The following OTUD7A variants were observed in gnomAD, a reference collection of about 807,000 sequenced individuals.
The protein encoded by OTUD7A is OTU deubiquitinase 7A.
In OTUD7A, 12 loss-of-function variants were observed where a neutral mutation model predicts 65.7. The observed-to-expected ratio is 0.18, with a 90% CI of 0.12 to 0.30. The LOEUF is 0.30. Among genes scored for constraint, OTUD7A ranks in the 10% least tolerant of loss-of-function variants. The pLI is 1.00. For synonymous variants in OTUD7A, 641 were observed against 586.3 expected (o/e 1.09, Z -1.35); for missense variants, 1,148 against 1,304.8 (o/e 0.88, Z 1.85).
intron 3 of OTUD7A, among the ~76,000 whole-genome samples, chr15:31,611,639 A>G (rs906087984): frequency 2.0e-5 from 3 of 152,172 alleles, no homozygotes; most frequent in Admixed American, 1.3e-4. Flanking sequence ...ACCAATAACA[A>G]GCAGGGAGAT....
intron 1 of OTUD7A, among the ~76,000 whole-genome samples, chr15:31,746,857 G>A (rs963556129): frequency 1.3e-5 from 2 of 152,170 alleles, no homozygotes; most frequent in African/African-American, 2.4e-5. Context: ...AAAACTTGTT[G>A]CTTTTGGAGG....
At chr15:31,861,662 C>G (rs1037512311) in intron 1 of OTUD7A, among the ~76,000 whole-genome samples, 2 of 152,124 alleles carry the variant, frequency 1.3e-5, no homozygotes, top group Non-Finnish European at 2.9e-5. Flanking sequence ...AAGGTAGAGA[C>G]AGAATAATCA....
At chr15:31,519,009 C>T (rs767852782) in intron 8 of OTUD7A, among the ~76,000 whole-genome samples, 173 of 152,358 alleles carry the variant, frequency 1.1e-3, no homozygotes, top group Non-Finnish European at 2.2e-3. Flanking sequence ...GACCTTCTAG[C>T]AGTGGCCAGT....
rs2041155276 is a variant in OTUD7A at position 31,483,069 on chromosome 15, G to C, written c.*225C>G. 1 of 234,896 alleles carries C rather than the reference G, an allele frequency of 4.3e-6. No individual in the cohort carries two copies. The highest frequency in any genetic ancestry group is 1.6e-4 in the East Asian group (1 of 6,254). 14.6% of individuals were successfully genotyped at this position (234,896 alleles called of 1,614,324 possible). A position where few individuals can be genotyped will look rare whatever the true frequency, so the allele number is the denominator to read the frequency against. ...CAGGTACGAGGCAGATGCTAGGCTA[G>C]CACACCCACTTCCAACAGTATGACT... On this transcript the variant is annotated 3_prime_UTR_variant, in exon 13 of 13. Coordinates refer to ENST00000307050, the MANE Select transcript of OTUD7A (RefSeq NM_001382637.1).
intron 1 of OTUD7A, among the ~76,000 whole-genome samples, chr15:31,834,088 T>C (rs1370967796): frequency 2.0e-5 from 3 of 152,246 alleles, no homozygotes; most frequent in Non-Finnish European, 4.4e-5. Flanking sequence ...TAATATTCTT[T>C]AGCTTTTGCT....
chr15:31,651,149 G>A (rs1206710464), intron 3 of OTUD7A, among the ~76,000 whole-genome samples: 2 of 142,296 alleles, frequency 1.4e-5, no homozygotes, highest in Non-Finnish European at 3.0e-5. Context: ...AAAAAGGGCA[G>A]AACATAGAAA....
chr15:31,785,614 T>A (rs1461669238), intron 1 of OTUD7A, among the ~76,000 whole-genome samples: 2 of 152,154 alleles, frequency 1.3e-5, no homozygotes, highest in African/African-American at 4.8e-5. Context: ...ACTTGATGCC[T>A]TCCATGATTC....
intron 5 of OTUD7A, among the ~76,000 whole-genome samples, chr15:31,552,684 T>C (rs889919414): frequency 6.6e-6 from 1 of 152,254 alleles, no homozygotes; most frequent in African/African-American, 2.4e-5. Flanking sequence ...CCCTGGCCTC[T>C]GTCTCTCCCA....
chr15:31,500,614 T>A (rs2141080297), intron 10 of OTUD7A, among the ~76,000 whole-genome samples: 1 of 152,382 alleles, frequency 6.6e-6, no homozygotes, highest in African/African-American at 2.4e-5. Flanking sequence ...TTCATTTGTC[T>A]GTGTCCTTTC....
chr15:31,709,926 T>C (rs548521617), intron 1 of OTUD7A, among the ~76,000 whole-genome samples: 2 of 151,196 alleles, frequency 1.3e-5, no homozygotes, highest in African/African-American at 4.8e-5. Context: ...GAATATATGG[T>C]CTAAGTCCTT....
intron 3 of OTUD7A, among the ~76,000 whole-genome samples, chr15:31,582,931 T>C (rs1372728223): frequency 3.3e-5 from 5 of 152,210 alleles, no homozygotes; most frequent in Non-Finnish European, 7.3e-5. Context: ...CTGGCTGAAT[T>C]ACTGAAAGCC....
intron 8 of OTUD7A, among the ~76,000 whole-genome samples, chr15:31,509,954 T>C (rs2041656321): frequency 6.6e-6 from 1 of 152,060 alleles, no homozygotes; most frequent in Non-Finnish European, 1.5e-5. Context: ...TCCTTTTTTT[T>C]TAATTTGCAT....
intron 1 of OTUD7A, among the ~76,000 whole-genome samples, chr15:31,664,336 A>ATT (rs57041516): frequency 1.5e-5 from 2 of 131,418 alleles, no homozygotes; most frequent in South Asian, 2.3e-4. Context: ...CTGTTTGTTG[A>ATT]TTTTTTTTTT....
At chr15:31,602,898 C>A (rs993306807) in intron 3 of OTUD7A, among the ~76,000 whole-genome samples, 3 of 152,034 alleles carry the variant, frequency 2.0e-5, no homozygotes, top group Non-Finnish European at 4.4e-5. Context: ...ATGTGAAGGA[C>A]CTCTTCAAGG....
intron 5 of OTUD7A, among the ~76,000 whole-genome samples, chr15:31,554,280 G>A (rs529524130): frequency 1.3e-4 from 20 of 152,312 alleles, no homozygotes; most frequent in African/African-American, 4.8e-4. Flanking sequence ...TGAGGGCAGG[G>A]GTTTCATCTG....
intron 1 of OTUD7A, among the ~76,000 whole-genome samples, chr15:31,735,530 T>A: frequency 1.3e-5 from 1 of 76,412 alleles, no homozygotes. Flanking sequence ...TGAAACTCTG[T>A]CTCAAAAAAA....
chr15:31,815,396 C>T (rs921397215), intron 1 of OTUD7A, among the ~76,000 whole-genome samples: 2 of 152,232 alleles, frequency 1.3e-5, no homozygotes, highest in Non-Finnish European at 2.9e-5. Context: ...TCTGTTCTCC[C>T]ATCTGATCAT....
At chr15:31,602,890 G>A (rs950731976) in intron 3 of OTUD7A, among the ~76,000 whole-genome samples, 52 of 152,298 alleles carry the variant, frequency 3.4e-4, no homozygotes, top group African/African-American at 1.3e-3. Context: ...TACAAGGGAT[G>A]TGAAGGACCT....
At chr15:31,783,595 A>T (rs763915013) in intron 1 of OTUD7A, among the ~76,000 whole-genome samples, 3 of 152,234 alleles carry the variant, frequency 2.0e-5, no homozygotes, top group African/African-American at 7.2e-5. Flanking sequence ...AAAAGTATTA[A>T]TTGTATTAAC....
Sources: allele counts gnomAD v4.1 joint callset (sites outside exome capture counted in the v4.1 genomes callset), GRCh38; gene constraint gnomAD v4.1.1; transcripts MANE v1.5; gene names NCBI Gene and HGNC (gene_info 2026-07-23, HGNC 2026-07-21).